SNUPN: variants seen among roughly 807,000 people sequenced by gnomAD.
SNUPN encodes snurportin 1, also known as snurportin-1.
SNUPN carries 31 observed loss-of-function variants against 39.2 expected under a neutral mutation model. The observed-to-expected ratio is 0.79, with a 90% CI of 0.59 to 1.07. The LOEUF is 1.07. Ranked by LOEUF, SNUPN falls within the 50% of genes least tolerant of loss-of-function variation. SNUPN has a pLI of 0.00. For missense variants in SNUPN, 382 were observed against 434.2 expected, an observed-to-expected ratio of 0.88 and a Z score of 1.07; for synonymous variants, 132 against 159.0, an observed-to-expected ratio of 0.83 and a Z score of 1.28.
chr15:75,599,150 AGAGT>A (rs1188892246), intron 8 of SNUPN, among the ~76,000 whole-genome samples: 3 of 151,964 alleles, frequency 2.0e-5, no homozygotes, highest in Non-Finnish European at 4.4e-5. Context: ...GCCTGGCGAC[AGAGT>A]GAGACTCTGT....
At chr15:75,610,408 A>G (rs1046006416) in intron 3 of SNUPN, among the ~76,000 whole-genome samples, 3 of 151,780 alleles carry the variant, frequency 2.0e-5, no homozygotes, top group African/African-American at 7.3e-5. Context: ...CTCAAAAAAA[A>G]AAAAAAAAAA....
chr15:75,609,231 G>A (rs1305525576), intron 5 of SNUPN, among the ~76,000 whole-genome samples: 24 of 126,596 alleles, frequency 1.9e-4, no homozygotes, highest in Admixed American at 1.2e-3. Flanking sequence ...CGCCCAGGCC[G>A]GACTGCGGAC....
chr15:75,619,946 G>A (rs1448015361), intron 2 of SNUPN, among the ~76,000 whole-genome samples: 4 of 151,912 alleles, frequency 2.6e-5, no homozygotes, highest in Non-Finnish European at 5.9e-5. Context: ...ACAAGTTTTC[G>A]CCATGTTGGT....
intron 5 of SNUPN, among the ~76,000 whole-genome samples, 162 bp downstream of exon 5, chr15:75,609,396 A>G (rs192849967): frequency 6.6e-6 from 1 of 151,922 alleles, no homozygotes; most frequent in South Asian, 2.1e-4. Context: ...TCACCTTGTT[A>G]GCCAGGATGG....
Position 75,598,221 on chromosome 15 carries a change from G to T in SNUPN, c.*137C>A. The T allele has an allele frequency of 1.5e-6, 1 of 661,176 alleles. No homozygotes were observed. Among genetic ancestry groups the T allele is most frequent in the Non-Finnish European group, 2.5e-6 (1 of 392,382 alleles). 41.0% of individuals were successfully genotyped at this position (661,176 alleles called of 1,614,324 possible). A position where few individuals can be genotyped will look rare whatever the true frequency, so the allele number is the denominator to read the frequency against. On this transcript the variant is annotated 3_prime_UTR_variant, in exon 9 of 9. Coordinates refer to ENST00000308588, the MANE Select transcript of SNUPN (RefSeq NM_005701.4). ...GTTTGAGCCAGCATTTCAGATTATA[G>T]ATAAGCTGTTTCCAGCTGGACTGGG... is the stretch of plus-strand genomic sequence containing the variant.
chr15:75,614,554 T>G (rs1892879008), intron 3 of SNUPN, among the ~76,000 whole-genome samples: 1 of 152,116 alleles, frequency 6.6e-6, no homozygotes, highest in Non-Finnish European at 1.5e-5. Flanking sequence ...TCCCTTTCTA[T>G]GAAATGTGCA....
rs539715968 is a variant in SNUPN, at chr15:75,624,287, C to T, written c.-6+1379G>A. On this transcript the variant is annotated intron_variant, in intron 1 of 8. Coordinates refer to ENST00000308588, the MANE Select transcript of SNUPN (RefSeq NM_005701.4). ...TCATCACCAAAGTAATGACCAAATC[C>T]AAAGCACCTTTATTAGGCCTATCAT... Among the ~76,000 whole-genome samples the T allele has an allele frequency of 1.9e-3, 287 of 151,560 alleles. 2 individuals carry two copies. The highest frequency in any genetic ancestry group is 4.3e-3 in the Admixed American group (66 of 15,208).
At chr15:75,617,295 C>G in intron 3 of SNUPN, 113 bp downstream of exon 3, 1 of 1,141,988 alleles carries the variant, frequency 8.8e-7, no homozygotes, top group Non-Finnish European at 1.3e-6. Flanking sequence ...AGTTCCTATT[C>G]CTTTTTCCTG....
rs527731629 is a variant in SNUPN, at chr15:75,607,241, C to T, written c.575G>A (p.Arg192Gln). ...CTGGCAATCATAAAAAGGGTGTCCCCGCCAGCACATCACATCCAGAACGTA... is the reference window on the plus strand; with the variant it reads ...CTGGCAATCATAAAAAGGGTGTCCCTGCCAGCACATCACATCCAGAACGTA... ...TYYVLDVMCW[R>Q]GHPFYDCQTD... The change falls in exon 6 of 9, where the codon CGG becomes CAG. Residue 192 changes from arginine to glutamine, a missense_variant. Coordinates refer to ENST00000308588, the MANE Select transcript of SNUPN (RefSeq NM_005701.4). The T allele has an allele frequency of 2.8e-5, 45 of 1,613,490 alleles. No homozygotes were observed. The highest frequency in any genetic ancestry group is 1.7e-4 in the African/African-American group (13 of 74,904).
intron 5 of SNUPN, among the ~76,000 whole-genome samples, chr15:75,608,735 G>A (rs967853897): frequency 3.9e-5 from 6 of 152,248 alleles, no homozygotes; most frequent in Non-Finnish European, 7.4e-5. Context: ...AGGAATTTAC[G>A]GACCATCAGG....
At chr15:75,609,849 C>A in intron 4 of SNUPN, 41 bp downstream of exon 4, 3 of 1,486,518 alleles carry the variant, frequency 2.0e-6, no homozygotes, top group Non-Finnish European at 2.8e-6. Context: ...CCTCCCACTA[C>A]AGACCAGGCC....
intron 7 of SNUPN, among the ~76,000 whole-genome samples, chr15:75,604,382 G>A (rs1259204434): frequency 3.3e-5 from 5 of 152,024 alleles, no homozygotes; most frequent in East Asian, 1.9e-4. Flanking sequence ...GGCTGGTCTC[G>A]AATTCCTGAC....
chr15:75,601,829 T>C (rs1458551761), intron 7 of SNUPN, among the ~76,000 whole-genome samples: 1 of 152,162 alleles, frequency 6.6e-6, no homozygotes, highest in Non-Finnish European at 1.5e-5. Flanking sequence ...TCTCTACTAA[T>C]TCCCCTCTAC....
rs2075261790 is a variant in SNUPN, at chr15:75,598,691, A to G, written c.760-10T>C. On this transcript the variant is annotated splice_polypyrimidine_tract_variant and intron_variant, in intron 8 of 8. Coordinates refer to ENST00000308588, the MANE Select transcript of SNUPN (RefSeq NM_005701.4). ...AGAGAAGTCCATCTACCTATAAGAC[A>G]AGGGGAAATTGAGGATCAAATGACT... The G allele has an allele frequency of 6.3e-7, 1 of 1,580,944 alleles. No homozygotes were observed. Among genetic ancestry groups the G allele is most frequent in the Non-Finnish European group, 8.6e-7 (1 of 1,158,328 alleles).
chr15:75,611,277 G>T (rs1278083735), intron 3 of SNUPN, among the ~76,000 whole-genome samples: 1 of 149,436 alleles, frequency 6.7e-6, no homozygotes, highest in Non-Finnish European at 1.5e-5. Context: ...TTTTGAGATG[G>T]AGTCTCGCTC....
rs974987103 is a variant in SNUPN at position 75,598,295 on chromosome 15, C to G, written c.*63G>C. 1 of 1,358,062 alleles carries G rather than the reference C, an allele frequency of 7.4e-7. No homozygotes were observed. Among genetic ancestry groups the G allele is most frequent in the Admixed American group, 2.1e-5 (1 of 47,258 alleles). The allele number at this position is 1,358,062 out of a possible 1,614,324, so 84.1% of individuals were successfully genotyped here. A position where few individuals can be genotyped will look rare whatever the true frequency, so the allele number is the denominator to read the frequency against. ...TGAAGTCACCTGTTGTCACTGTCCT[C>G]CTCTCCAGGATTCCTTTTGGGGCCA... On this transcript the variant is annotated 3_prime_UTR_variant, in exon 9 of 9. Coordinates refer to ENST00000308588, the MANE Select transcript of SNUPN (RefSeq NM_005701.4).
At chr15:75,616,685 C>T (rs190977563) in intron 3 of SNUPN, among the ~76,000 whole-genome samples, 71 of 152,244 alleles carry the variant, frequency 4.7e-4, no homozygotes, top group African/African-American at 1.5e-3. Flanking sequence ...AGACCTCCAT[C>T]CCAACTTGGA....
chr15:75,608,351 C>G (rs1463655939), intron 5 of SNUPN, among the ~76,000 whole-genome samples: 1 of 152,006 alleles, frequency 6.6e-6, no homozygotes, highest in Non-Finnish European at 1.5e-5. Context: ...CCCTTGAACC[C>G]GAGCCTGGGC....
chr15:75,619,815 T>A (rs1326890756), intron 2 of SNUPN, among the ~76,000 whole-genome samples: 2 of 152,012 alleles, frequency 1.3e-5, no homozygotes, highest in African/African-American at 4.8e-5. Flanking sequence ...ATGGCGCGAT[T>A]TCGGCTCACT....
Sources: gnomAD v4.1 joint callset for allele counts (sites outside exome capture counted in the v4.1 genomes callset) on GRCh38, gnomAD v4.1.1 for gene constraint, MANE v1.5 for transcripts, NCBI Gene and HGNC (gene_info 2026-07-23, HGNC 2026-07-21) for gene names.